SKIC8: variants seen among roughly 807,000 people sequenced by gnomAD.
The protein encoded by SKIC8 is SKI8 subunit of superkiller complex, also known as superkiller complex protein 8.
At chr15:78,289,114 G>T in the SKIC8 span, among the ~76,000 whole-genome samples, 1 of 152,096 alleles carries the variant, frequency 6.6e-6, no homozygotes, top group Non-Finnish European at 1.5e-5. Context: ...AGTATGTCTA[G>T]GTTAAATCTA....
the SKIC8 span, chr15:78,289,479 A>G: frequency 6.1e-6 from 4 of 660,136 alleles, no homozygotes; most frequent in Non-Finnish European, 1.1e-5. Flanking sequence ...TAAAACCTGG[A>G]GGCATTTCAG....
chr15:78,299,460 T>A, the SKIC8 span: 1 of 152,816 alleles, frequency 6.5e-6, no homozygotes, highest in African/African-American at 2.4e-5. Context: ...ACGGACCTGC[T>A]TACAGGCAGC....
At chr15:78,288,478 G>C in the SKIC8 span, 6 of 1,197,824 alleles carry the variant, frequency 5.0e-6, no homozygotes, top group South Asian at 5.3e-5. Flanking sequence ...ATGAGCCACT[G>C]AGTTGAAATG....
At chr15:78,289,746 T>G in the SKIC8 span, 1 of 1,593,438 alleles carries the variant, frequency 6.3e-7, no homozygotes, top group Non-Finnish European at 8.6e-7. Flanking sequence ...ATTAGCACTT[T>G]CAGACTCCGT....
chr15:78,295,876 C>T, the SKIC8 span: 2 of 543,990 alleles, frequency 3.7e-6, no homozygotes, highest in Non-Finnish European at 6.2e-6. Context: ...ACCTCCTTCG[C>T]ACTCCCTACC....
the SKIC8 span, chr15:78,290,102 G>C: frequency 6.2e-7 from 1 of 1,604,934 alleles, no homozygotes; most frequent in African/African-American, 1.3e-5. Context: ...GGCATCCACT[G>C]AACAGAAAAA....
At chr15:78,283,412 A>G in the SKIC8 span, 1 of 1,588,926 alleles carries the variant, frequency 6.3e-7, no homozygotes. Context: ...TTTGCAGCAT[A>G]AGCCTGGAGA....
At chr15:78,293,642 A>C in the SKIC8 span, among the ~76,000 whole-genome samples, 2 of 152,246 alleles carry the variant, frequency 1.3e-5, no homozygotes, top group African/African-American at 4.8e-5. Context: ...ACCCGGTAAC[A>C]GATACTCCGA....
the SKIC8 span, chr15:78,283,606 T>C: frequency 3.7e-6 from 4 of 1,091,292 alleles, no homozygotes; most frequent in Non-Finnish European, 5.2e-6. Context: ...TTCTCGTTAT[T>C]CTGAATCTAC....
chr15:78,283,401 CTT>C, the SKIC8 span: 2 of 1,557,860 alleles, frequency 1.3e-6, no homozygotes, highest in Non-Finnish European at 1.8e-6. Context: ...CGTACATTCT[CTT>C]TGCAGCATAA....
chr15:78,285,277 A>G, the SKIC8 span: 3 of 1,614,232 alleles, frequency 1.9e-6, no homozygotes, highest in Non-Finnish European at 2.5e-6. Context: ...CTGGTGATCA[A>G]AGAAGGTGTG....
the SKIC8 span, chr15:78,291,335 T>C: frequency 6.6e-6 from 1 of 152,208 alleles, no homozygotes; most frequent in African/African-American, 2.4e-5. Context: ...CAGTTCTGTC[T>C]CTTCCTCTTT....
At chr15:78,288,389 T>G in the SKIC8 span, 1 of 1,613,250 alleles carries the variant, frequency 6.2e-7, no homozygotes, top group African/African-American at 1.3e-5. Flanking sequence ...TGGCCTGAAA[T>G]TCATAAAGGC....
At chr15:78,294,637 G>T in the SKIC8 span, 10 of 349,130 alleles carry the variant, frequency 2.9e-5, no homozygotes, top group East Asian at 5.4e-4. Flanking sequence ...GAGCCTCAAA[G>T]CATTTCCTTC....
chr15:78,296,836 G>T, the SKIC8 span, among the ~76,000 whole-genome samples: 9 of 152,124 alleles, frequency 5.9e-5, no homozygotes, highest in African/African-American at 2.2e-4. Context: ...CACAGGTTTA[G>T]AAATGAAACC....
At chr15:78,294,858 C>T in the SKIC8 span, 9 of 1,520,008 alleles carry the variant, frequency 5.9e-6, no homozygotes, top group Non-Finnish European at 6.4e-6. Flanking sequence ...TTGAAAACTG[C>T]ATGTCTGGTC....
the SKIC8 span, chr15:78,291,247 G>C: frequency 6.6e-6 from 1 of 152,166 alleles, no homozygotes; most frequent in Non-Finnish European, 1.5e-5. Context: ...CTTGTGCCCA[G>C]GGCTACAACC....
chr15:78,297,259 T>C, the SKIC8 span, among the ~76,000 whole-genome samples: 1 of 152,076 alleles, frequency 6.6e-6, no homozygotes, highest in Non-Finnish European at 1.5e-5. Context: ...AATATGAGAG[T>C]TGACAAGAAG....
chr15:78,297,273 G>A, the SKIC8 span, among the ~76,000 whole-genome samples: 3 of 152,246 alleles, frequency 2.0e-5, no homozygotes, highest in Non-Finnish European at 4.4e-5. Context: ...CAAGAAGGCA[G>A]TGTCACCTTG....
Sources: gnomAD v4.1 joint callset for allele counts (sites outside exome capture counted in the v4.1 genomes callset) on GRCh38, gnomAD v4.1.1 for gene constraint, MANE v1.5 for transcripts, NCBI Gene and HGNC (gene_info 2026-07-23, HGNC 2026-07-21) for gene names.